The following CACNA2D4 variants were observed in gnomAD, a reference collection of about 807,000 sequenced individuals.
CACNA2D4 encodes the protein voltage-dependent calcium channel subunit alpha-2/delta-4.
CACNA2D4 carries 157 observed loss-of-function variants against 163.8 expected under a neutral mutation model. That is an observed-to-expected ratio of 0.96 (90% CI 0.84 to 1.09). The LOEUF is 1.09. Among genes scored for constraint, CACNA2D4 ranks in the 50% least tolerant of loss-of-function variants. CACNA2D4 has a pLI of 0.00. For missense variants in CACNA2D4, 1,410 were observed against 1,479.9 expected (o/e 0.95, Z 0.78); for synonymous variants, 598 against 586.9 (o/e 1.02, Z -0.27).
At chr12:1,888,978 G>A (rs138146475) in intron 6 of CACNA2D4, among the ~76,000 whole-genome samples, 14 of 152,260 alleles carry the variant, frequency 9.2e-5, no homozygotes, top group African/African-American at 1.2e-4. Flanking sequence ...CAAATACCAC[G>A]AAGGCAGCCA....
chr12:1,890,039 T>G (rs879314905), intron 6 of CACNA2D4, among the ~76,000 whole-genome samples: 1 of 152,168 alleles, frequency 6.6e-6, no homozygotes, highest in Non-Finnish European at 1.5e-5. Flanking sequence ...CAGGATTGGC[T>G]GGGAGCCTCT....
At position 1,828,137 on chromosome 12, in the gene CACNA2D4, G is replaced by A. The variant is rs373797746; in HGVS notation, c.2551+12602C>T. On this transcript the variant is annotated intron_variant, in intron 26 of 37. Transcript: ENST00000382722. This position sits in a 1 kb window ranked among gnomAD's most constrained non-coding sequence, Gnocchi z 4.2. ...CCAGAGCGACAGGGCCCGGAGAGCC[G>A]TGGGCCTCACCATGCTGGCGCCGGG... The A allele has an allele frequency of 6.8e-5, 105 of 1,534,404 alleles. No homozygotes were observed. The African/African-American group carries it at 1.0e-3, about 15-fold the overall frequency.
Position 1,883,478 on chromosome 12 carries a change from G to A in CACNA2D4, c.1352-478C>T, listed in dbSNP as rs1422127120. Among the ~76,000 whole-genome samples the A allele has an allele frequency of 1.3e-5, 2 of 152,164 alleles. No homozygotes were observed. On this transcript the variant is annotated intron_variant, in intron 12 of 37. Coordinates refer to ENST00000382722, the MANE Select transcript of CACNA2D4 (RefSeq NM_172364.5). This position sits in a 1 kb window ranked among gnomAD's most constrained non-coding sequence, Gnocchi z 4.5. The stretch of plus-strand genomic sequence containing the variant: ...CTCAGGTTGTGGGGTGGGTGTTACA[G>A]CCTATTCCCTGGAACCATGGTGACA...
intron 20 of CACNA2D4, 145 bp downstream of exon 20, chr12:1,858,432 G>A: frequency 1.5e-6 from 1 of 669,250 alleles, no homozygotes; most frequent in Non-Finnish European, 2.7e-6. Context: ...TCTCCACCTG[G>A]CAGCATTGTT....
chr12:1,872,496 T>C (rs1432182097), intron 18 of CACNA2D4, among the ~76,000 whole-genome samples: 1 of 152,212 alleles, frequency 6.6e-6, no homozygotes, highest in African/African-American at 2.4e-5. Flanking sequence ...GACCTAGACC[T>C]GGAGACGGTT....
At chr12:1,835,950 C>G (rs1444047897) in intron 26 of CACNA2D4, 1 of 152,380 alleles carries the variant, frequency 6.6e-6, no homozygotes, top group Non-Finnish European at 1.5e-5. Context: ...TGGTGGCACC[C>G]TCTGGGGAAA....
At chr12:1,902,484 A>G (rs1866561164) in intron 6 of CACNA2D4, among the ~76,000 whole-genome samples, 1 of 152,096 alleles carries the variant, frequency 6.6e-6, no homozygotes, top group African/African-American at 2.4e-5. Flanking sequence ...TCCACCAAAA[A>G]ACTATTAGAA....
At chr12:1,812,567 G>A (rs1028631695) in intron 26 of CACNA2D4, among the ~76,000 whole-genome samples, 7 of 152,348 alleles carry the variant, frequency 4.6e-5, no homozygotes, top group African/African-American at 1.7e-4. Context: ...TCAAAACTGC[G>A]CTGGGCGCTT....
At chr12:1,794,470 G>A (rs1478720858) in intron 37 of CACNA2D4, among the ~76,000 whole-genome samples, 1 of 152,116 alleles carries the variant, frequency 6.6e-6, no homozygotes, top group Non-Finnish European at 1.5e-5. Context: ...TACAGGGCTC[G>A]GTCCCACAAG....
At chr12:1,848,762 AATT>A (rs146412961) in intron 23 of CACNA2D4, among the ~76,000 whole-genome samples, 3 of 147,358 alleles carry the variant, frequency 2.0e-5, no homozygotes, top group Admixed American at 6.8e-5. Flanking sequence ...AACCCATTGC[AATT>A]ATTATTATTA....
intron 23 of CACNA2D4, among the ~76,000 whole-genome samples, chr12:1,851,501 A>T (rs1865277881): frequency 6.6e-6 from 1 of 152,216 alleles, no homozygotes; most frequent in Non-Finnish European, 1.5e-5. Flanking sequence ...ACATGCATTT[A>T]GATGAGTTTC....
intron 26 of CACNA2D4, among the ~76,000 whole-genome samples, chr12:1,840,448 G>GT (rs34273805): frequency 1.5e-5 from 2 of 134,870 alleles, no homozygotes; most frequent in African/African-American, 5.3e-5. Flanking sequence ...GAAGAGGGGG[G>GT]TGGGTGGGGG....
At position 1,885,054 on chromosome 12, in the gene CACNA2D4, T is replaced by C. The variant is rs1442013458; in HGVS notation, c.1091A>G (p.Glu364Gly). ...NREHFKLLVE[E>G]LMVKGVGVVD... ...GACCCCCACACCTTTGACCATCAAC[T>C]CCTCCACCAGCAGTTTGAAATGCTG... Residue 364 changes from glutamate to glycine, a missense_variant, in exon 10 of 38, where the codon GAG becomes GGG. Glu to Gly is a moderately conservative substitution (Grantham distance 98, BLOSUM62 -2). Transcript: ENST00000382722. 6.2e-7 allele frequency: 1 copy of C among 1,613,894 alleles called. No homozygotes were observed. Among genetic ancestry groups the C allele is most frequent in the Non-Finnish European group, 8.5e-7 (1 of 1,179,870 alleles).
chr12:1,873,232 A>G (rs1865820687), intron 18 of CACNA2D4, among the ~76,000 whole-genome samples: 1 of 152,198 alleles, frequency 6.6e-6, no homozygotes, highest in Non-Finnish European at 1.5e-5. Context: ...AACGTCCATT[A>G]TGGTCATGAT....
intron 20 of CACNA2D4, among the ~76,000 whole-genome samples, chr12:1,856,544 C>T: frequency 6.6e-6 from 1 of 152,190 alleles, no homozygotes; most frequent in East Asian, 1.9e-4. Flanking sequence ...TCCTCCCCAT[C>T]CAGGTTGGAT....
chr12:1,848,045 TTGAGA>T (rs1458525744), intron 23 of CACNA2D4, among the ~76,000 whole-genome samples: 3 of 152,302 alleles, frequency 2.0e-5, no homozygotes, highest in African/African-American at 7.2e-5. Flanking sequence ...TCTGTCTTTA[TTGAGA>T]TATCGTTCAA....
intron 18 of CACNA2D4, among the ~76,000 whole-genome samples, chr12:1,865,153 G>C (rs1262789257): frequency 1.3e-5 from 2 of 152,214 alleles, no homozygotes; most frequent in Non-Finnish European, 2.9e-5. Flanking sequence ...AGGGGCTCTC[G>C]GCGCCGTGGC....
At position 1,871,867 on chromosome 12, in the gene CACNA2D4, T is replaced by A. The variant is rs542941194; in HGVS notation, c.1878+2737A>T. Among the ~76,000 whole-genome samples, 286 of 152,284 alleles carry A rather than the reference T, an allele frequency of 1.9e-3. 1 individual carries two copies. Among genetic ancestry groups the A allele is most frequent in the Non-Finnish European group, 3.6e-3 (248 of 68,010 alleles). On this transcript the variant is annotated intron_variant, in intron 18 of 37. Coordinates refer to ENST00000382722, the MANE Select transcript of CACNA2D4 (RefSeq NM_172364.5). The stretch of plus-strand genomic sequence containing the variant: ...AGGAACACTCTGTCTGCCCCTTCCC[T>A]CCCCCATTGCTAATTATTGTTTGAA...
chr12:1,848,882 A>G (rs1027529299), intron 23 of CACNA2D4, among the ~76,000 whole-genome samples: 6 of 152,184 alleles, frequency 3.9e-5, no homozygotes, highest in Non-Finnish European at 8.8e-5. Context: ...GGCTGGGATA[A>G]CAGCCGTGCC....
Sources: gnomAD v4.1 joint callset for allele counts (sites outside exome capture counted in the v4.1 genomes callset) on GRCh38, gnomAD v4.1.1 for gene constraint, Gnocchi (gnomAD v3.1) non-coding constraint, MANE v1.5 for transcripts, NCBI Gene and HGNC (gene_info 2026-07-23, HGNC 2026-07-21) for gene names.